ZNF469: variants seen among roughly 807,000 people sequenced by gnomAD.
The protein encoded by ZNF469 is zinc finger protein 469.
In ZNF469, 1 loss-of-function variant was observed where a neutral mutation model predicts 1.0. The ratio of observed to expected loss-of-function variants is 1.00; its 90% CI spans 0.35 to 4.73. ZNF469 has a LOEUF of 4.73. Ranked by LOEUF, ZNF469 falls within the 30% of genes most tolerant of loss-of-function variation. The pLI is 0.16. For missense variants in ZNF469, 6,100 were observed against 5,356.3 expected (o/e 1.14, Z -4.33); for synonymous variants, 2,703 against 2,363.4 (o/e 1.14, Z -4.17).
chr16:88,235,813 A>C, the ZNF469 span, among the ~76,000 whole-genome samples: 11 of 152,338 alleles, frequency 7.2e-5, no homozygotes, highest in East Asian at 1.3e-3. Flanking sequence ...TCCTGAGGAC[A>C]TGTGCCGCAG....
At chr16:88,346,243 G>A in the ZNF469 span, among the ~76,000 whole-genome samples, 2 of 152,352 alleles carry the variant, frequency 1.3e-5, no homozygotes, top group African/African-American at 4.8e-5. Flanking sequence ...AGGCTGCTGG[G>A]TGAGGGAGAA....
At chr16:88,128,881 C>T in the ZNF469 span, among the ~76,000 whole-genome samples, 3 of 152,248 alleles carry the variant, frequency 2.0e-5, no homozygotes, top group Non-Finnish European at 4.4e-5. Context: ...AGGGCAGGAA[C>T]TCCCCTCGCC....
At chr16:88,388,609 G>A (rs1156886114) in intron 1 of ZNF469, among the ~76,000 whole-genome samples, 9 of 152,258 alleles carry the variant, frequency 5.9e-5, no homozygotes, top group Admixed American at 3.3e-4. Context: ...GCAGGAATGT[G>A]ACTTGCTAAG....
the ZNF469 span, among the ~76,000 whole-genome samples, chr16:88,203,364 G>A: frequency 6.6e-6 from 1 of 152,186 alleles, no homozygotes; most frequent in African/African-American, 2.4e-5. Flanking sequence ...CAGCGAGTCC[G>A]CACACAGGTG....
At chr16:88,256,107 A>C in the ZNF469 span, among the ~76,000 whole-genome samples, 1 of 152,168 alleles carries the variant, frequency 6.6e-6, no homozygotes, top group African/African-American at 2.4e-5. Context: ...GGTGGTGTAC[A>C]TTCTGTGGGT....
chr16:88,243,011 T>C, the ZNF469 span, among the ~76,000 whole-genome samples: 1 of 152,198 alleles, frequency 6.6e-6, no homozygotes, highest in Non-Finnish European at 1.5e-5. Context: ...CGGTGGGGGA[T>C]GTCTACCCGC....
chr16:88,381,338 A>C (rs1020189431), upstream of ZNF469, among the ~76,000 whole-genome samples: 1 of 141,286 alleles, frequency 7.1e-6, no homozygotes, highest in Admixed American at 6.8e-5. Flanking sequence ...ATGCACTCGC[A>C]CACAGACACA....
chr16:88,344,552 G>A, the ZNF469 span, among the ~76,000 whole-genome samples: 4 of 152,226 alleles, frequency 2.6e-5, no homozygotes, highest in African/African-American at 9.6e-5. Context: ...GCAGGGATGG[G>A]GTCAGTGTGA....
chr16:88,302,214 G>T, the ZNF469 span, among the ~76,000 whole-genome samples: 1 of 152,224 alleles, frequency 6.6e-6, no homozygotes. Context: ...GTTACCTGCC[G>T]TCTGACCCGC....
the ZNF469 span, among the ~76,000 whole-genome samples, chr16:88,188,517 A>G: frequency 1.2e-4 from 19 of 152,158 alleles, no homozygotes; most frequent in African/African-American, 4.1e-4. Flanking sequence ...GGCTGTTGCC[A>G]TGGTCTGGCC....
chr16:88,180,272 A>G, the ZNF469 span, among the ~76,000 whole-genome samples: 2 of 152,202 alleles, frequency 1.3e-5, no homozygotes, highest in Admixed American at 6.5e-5. Flanking sequence ...GGTTGGGTAG[A>G]TATAAAAACA....
At chr16:88,110,068 T>C in the ZNF469 span, among the ~76,000 whole-genome samples, 9 of 152,226 alleles carry the variant, frequency 5.9e-5, no homozygotes, top group Non-Finnish European at 1.2e-4. Flanking sequence ...GTGACTCCTT[T>C]TTCCCTCACT....
At chr16:88,191,919 G>A in the ZNF469 span, among the ~76,000 whole-genome samples, 1 of 152,178 alleles carries the variant, frequency 6.6e-6, no homozygotes, top group African/African-American at 2.4e-5. Flanking sequence ...TCTCAAATTT[G>A]TATATTGAAG....
the ZNF469 span, among the ~76,000 whole-genome samples, chr16:88,285,791 G>T: frequency 6.6e-6 from 1 of 152,250 alleles, no homozygotes; most frequent in Non-Finnish European, 1.5e-5. Flanking sequence ...CCACCATGTT[G>T]TCTGCTGCTT....
At chr16:88,270,059 C>T in the ZNF469 span, among the ~76,000 whole-genome samples, 5 of 152,238 alleles carry the variant, frequency 3.3e-5, no homozygotes, top group Non-Finnish European at 7.3e-5. Flanking sequence ...AAGCCATCAT[C>T]AGCTGGAGAC....
rs966076728 is a variant in ZNF469, at chr16:88,432,766, C to T, written c.5296C>T (p.Arg1766Trp). ...CTCACAAGAAAGTGAAGACTCCCTGCGGCTGCTTCCCTGTGAACAGAGAGG... is the reference window on the plus strand; with the variant it reads ...CTCACAAGAAAGTGAAGACTCCCTGTGGCTGCTTCCCTGTGAACAGAGAGG... ...ASSQESEDSL[R>W]LLPCEQRGGF... Residue 1766 changes from arginine to tryptophan, a missense_variant, in exon 3 of 3, where the codon CGG (arginine) becomes TGG (tryptophan). Physicochemically the swap from Arg to Trp is moderately radical, Grantham distance 101 (BLOSUM62 -3). Coordinates refer to ENST00000565624, the MANE Select transcript of ZNF469 (RefSeq NM_001367624.2). 11 of 1,550,392 alleles carry T rather than the reference C, an allele frequency of 7.1e-6. No individual in the cohort carries two copies. In the Admixed American group the frequency reaches 7.8e-5, roughly 11 times the overall value.
chr16:88,346,671 C>T, the ZNF469 span, among the ~76,000 whole-genome samples: 6 of 152,322 alleles, frequency 3.9e-5, no homozygotes, highest in Non-Finnish European at 5.9e-5. Context: ...GTGCGCACCA[C>T]CACACCTGGC....
At position 88,437,235 on chromosome 16, in the gene ZNF469, G is replaced by C. The variant is rs1389292564; in HGVS notation, c.9765G>C (p.Pro3255=). The change falls in exon 3 of 3, where the codon CCG becomes CCC. Residue 3255 remains proline (P), a synonymous_variant. Transcript: ENST00000565624. ...AGGCCGCCGGGAGCCCGGGAGACCC[G>C]TGGGGGCAAGAGGGAGAAGCCAAGA... The part of the protein sequence containing the change: ...AGKAAGSPGD[P]WGQEGEAKKD... 6.5e-7 allele frequency: 1 copy of C among 1,549,070 alleles called. No homozygotes were observed. Among genetic ancestry groups the C allele is most frequent in the African/African-American group, 1.4e-5 (1 of 72,976 alleles).
At chr16:88,152,263 C>T in the ZNF469 span, among the ~76,000 whole-genome samples, 9 of 152,250 alleles carry the variant, frequency 5.9e-5, no homozygotes, top group Admixed American at 3.3e-4. The surrounding 1 kb of genome is among the most constrained non-coding windows in gnomAD (Gnocchi z 4.2). Flanking sequence ...CTGGCCCTAA[C>T]GCGTAACCCT....
Sources: gnomAD v4.1 joint callset for allele counts (sites outside exome capture counted in the v4.1 genomes callset) on GRCh38, gnomAD v4.1.1 for gene constraint, Gnocchi (gnomAD v3.1) non-coding constraint, MANE v1.5 for transcripts, NCBI Gene and HGNC (gene_info 2026-07-23, HGNC 2026-07-21) for gene names.